Variants in SUPT3H observed in about 807,000 individuals in gnomAD.
The protein encoded by SUPT3H is SPT3 homolog, SAGA and STAGA complex component.
A neutral mutation model predicts 44.3 loss-of-function variants in SUPT3H; 44 were observed. The observed-to-expected ratio is 0.99, with a 90% CI of 0.78 to 1.28. The LOEUF (loss-of-function observed/expected upper bound fraction) is 1.28. SUPT3H is among the 50% of genes most tolerant of loss of function. SUPT3H has a pLI of 0.00. For synonymous variants in SUPT3H, 124 were observed against 125.6 expected, an observed-to-expected ratio of 0.99 and a Z score of 0.09; for missense variants, 380 against 387.1, an observed-to-expected ratio of 0.98 and a Z score of 0.15.
At chr6:45,255,259 G>A (rs1309911641) in intron 2 of SUPT3H, among the ~76,000 whole-genome samples, 6 of 152,030 alleles carry the variant, frequency 3.9e-5, no homozygotes, top group Non-Finnish European at 7.4e-5. Context: ...CGGATAATGG[G>A]GGACTATGAT....
intron 4 of SUPT3H, 112 bp downstream of exon 4, chr6:45,020,434 C>T (rs930153007): frequency 3.6e-5 from 27 of 743,938 alleles, no homozygotes; most frequent in Non-Finnish European, 5.4e-5. Context: ...AACATCAGTT[C>T]AATAGTTATT....
chr6:45,209,451 T>C (rs1337293468), intron 2 of SUPT3H, among the ~76,000 whole-genome samples: 1 of 152,148 alleles, frequency 6.6e-6, no homozygotes, highest in Non-Finnish European at 1.5e-5. Flanking sequence ...CATGGATAAC[T>C]TTTAGGGATT....
intron 10 of SUPT3H, among the ~76,000 whole-genome samples, chr6:44,888,399 T>G (rs1302104145): frequency 6.6e-6 from 1 of 151,956 alleles, no homozygotes; most frequent in Non-Finnish European, 1.5e-5. Flanking sequence ...CAGCAGCACA[T>G]CAAAAAGCTT....
At chr6:45,282,001 A>C (rs561461479) in intron 2 of SUPT3H, among the ~76,000 whole-genome samples, 1 of 152,276 alleles carries the variant, frequency 6.6e-6, no homozygotes, top group African/African-American at 2.4e-5. Context: ...CATCCAGCAA[A>C]CTCCAACAGA....
intron 8 of SUPT3H, 86 bp from the exon 9 acceptor site, chr6:44,953,503 G>T (rs1344823002): frequency 2.0e-6 from 2 of 998,976 alleles, no homozygotes; most frequent in Non-Finnish European, 3.1e-6. Context: ...AATACATTCT[G>T]AATGTTACTG....
At chr6:45,179,971 C>G (rs1455307785) in intron 2 of SUPT3H, among the ~76,000 whole-genome samples, 2 of 152,136 alleles carry the variant, frequency 1.3e-5, no homozygotes, top group Admixed American at 1.3e-4. Context: ...GAAAACCCCA[C>G]TGTCTCAGCC....
At chr6:45,123,383 T>G (rs1028458049) in intron 2 of SUPT3H, among the ~76,000 whole-genome samples, 5 of 151,474 alleles carry the variant, frequency 3.3e-5, no homozygotes, top group African/African-American at 1.2e-4. Flanking sequence ...TCTTTTTTTT[T>G]TTTTTCCCCA....
At position 45,291,382 on chromosome 6, in the gene SUPT3H, A is replaced by C. The variant is rs553352077; in HGVS notation, c.101+73819T>G. On this transcript the variant is annotated intron_variant, in intron 2 of 10. Coordinates refer to ENST00000371459, the MANE Select transcript of SUPT3H (RefSeq NM_003599.4). Reference sequence around the variant, plus strand: ...AAAACCAACTCTGGTAATATGACAAAACAAGGTTCTTTAACACCCCCCAAA... The same window carrying C: ...AAAACCAACTCTGGTAATATGACAACACAAGGTTCTTTAACACCCCCCAAA... 2.6e-5 allele frequency among the ~76,000 whole-genome samples: 4 copies of C among 152,290 alleles called. No homozygotes were observed. In the East Asian group the frequency reaches 7.7e-4, roughly 29 times the overall value.
rs773626169 is a variant in SUPT3H, at chr6:45,296,763, A to AAG, written c.101+68437_101+68438insCT. On this transcript the variant is annotated intron_variant, in intron 2 of 10. Coordinates refer to ENST00000371459, the MANE Select transcript of SUPT3H (RefSeq NM_003599.4). ...CAAAAAAAAAAAAAAAAAAAAAAAA[A>AAG]ATTACAAATAGGGTGCAGCGTATTC... Among the ~76,000 whole-genome samples, 199 of 125,118 alleles carry AAG rather than the reference A, an allele frequency of 1.6e-3. 5 individuals are homozygous for AAG. The highest frequency in any genetic ancestry group is 4.1e-3 in the African/African-American group (155 of 37,684). 82.1% of individuals were successfully genotyped at this position (125,118 alleles called of 152,430 possible).
At chr6:45,192,178 T>C (rs1815251979) in intron 2 of SUPT3H, among the ~76,000 whole-genome samples, 1 of 152,160 alleles carries the variant, frequency 6.6e-6, no homozygotes, top group African/African-American at 2.4e-5. Flanking sequence ...TAATATCTTT[T>C]ACAGGCAGTT....
chr6:44,956,495 AATAAAAAT>A (rs1562131451), intron 7 of SUPT3H, among the ~76,000 whole-genome samples: 2 of 6,062 alleles, frequency 3.3e-4, no homozygotes, highest in African/African-American at 5.8e-4. Flanking sequence ...AAAAAAAAAA[AATAAAAAT>A]AAAAAAAAAA....
At chr6:45,226,838 AT>A (rs1456552733) in intron 2 of SUPT3H, among the ~76,000 whole-genome samples, 5 of 151,838 alleles carry the variant, frequency 3.3e-5, no homozygotes, top group Admixed American at 2.0e-4. Flanking sequence ...CAACAAAAAT[AT>A]TTTAAAAAAA....
At chr6:45,023,033 A>AAAGTCTTTG (rs1303599529) in intron 3 of SUPT3H, among the ~76,000 whole-genome samples, 1 of 152,068 alleles carries the variant, frequency 6.6e-6, no homozygotes, top group Admixed American at 6.6e-5. Flanking sequence ...TTTGCCTACT[A>AAAGTCTTTG]CCAGAAAGAC....
At chr6:44,886,637 A>C (rs1415683226) in intron 10 of SUPT3H, among the ~76,000 whole-genome samples, 1 of 152,092 alleles carries the variant, frequency 6.6e-6, no homozygotes, top group Non-Finnish European at 1.5e-5. Flanking sequence ...TGGAAAGGAA[A>C]AACTGGTACC....
intron 1 of SUPT3H, among the ~76,000 whole-genome samples, chr6:45,373,503 A>C (rs571053248): frequency 6.6e-6 from 1 of 152,164 alleles, no homozygotes; most frequent in East Asian, 1.9e-4. Flanking sequence ...ATATATTGTG[A>C]CCAGATCAAA....
At chr6:45,047,128 T>C (rs977097733) in intron 3 of SUPT3H, among the ~76,000 whole-genome samples, 1 of 152,228 alleles carries the variant, frequency 6.6e-6, no homozygotes, top group Non-Finnish European at 1.5e-5. Flanking sequence ...TTTCTAGCTA[T>C]ATGATTATGT....
intron 2 of SUPT3H, among the ~76,000 whole-genome samples, chr6:45,134,881 G>T (rs1183984901): frequency 6.6e-6 from 1 of 152,168 alleles, no homozygotes; most frequent in African/African-American, 2.4e-5. Context: ...ACTACGCACT[G>T]CCTTGGTGGA....
intron 2 of SUPT3H, among the ~76,000 whole-genome samples, chr6:45,218,237 G>C (rs1044228723): frequency 2.6e-5 from 4 of 151,952 alleles, no homozygotes; most frequent in African/African-American, 7.3e-5. Context: ...TCAGAGCAAA[G>C]AAAATTACTA....
chr6:45,261,746 G>C (rs1404965678), intron 2 of SUPT3H, among the ~76,000 whole-genome samples: 1 of 152,038 alleles, frequency 6.6e-6, no homozygotes, highest in Admixed American at 6.6e-5. Context: ...CAAGGAAAGA[G>C]AAGAAACAAA....
Sources: allele counts gnomAD v4.1 joint callset (sites outside exome capture counted in the v4.1 genomes callset), GRCh38; gene constraint gnomAD v4.1.1; transcripts MANE v1.5; gene names NCBI Gene and HGNC (gene_info 2026-07-23, HGNC 2026-07-21).